The following EDN1 variants were observed in gnomAD, a reference collection of about 807,000 sequenced individuals.
The protein encoded by EDN1 is endothelin-1.
In EDN1, 11 loss-of-function variants were observed where a neutral mutation model predicts 21.7. That is an observed-to-expected ratio of 0.51 (90% CI 0.32 to 0.84). The LOEUF (loss-of-function observed/expected upper bound fraction) is 0.84. EDN1 is among the 40% of genes least tolerant of loss of function. The pLI is 0.03. For synonymous variants in EDN1, 85 were observed against 90.6 expected, an observed-to-expected ratio of 0.94 and a Z score of 0.35; for missense variants, 244 against 262.3, an observed-to-expected ratio of 0.93 and a Z score of 0.48.
chr6:12,277,679 A>T, the EDN1 span, among the ~76,000 whole-genome samples: 4 of 152,238 alleles, frequency 2.6e-5, no homozygotes, highest in African/African-American at 4.8e-5. Flanking sequence ...GTATATTACA[A>T]TATGTCAGGA....
At chr6:12,239,524 C>T in the EDN1 span, among the ~76,000 whole-genome samples, 5 of 152,198 alleles carry the variant, frequency 3.3e-5, no homozygotes, top group African/African-American at 7.2e-5. Context: ...TCTCCTGCCT[C>T]TTTTCTCATC....
chr6:12,275,989 T>C, the EDN1 span, among the ~76,000 whole-genome samples: 30 of 152,042 alleles, frequency 2.0e-4, no homozygotes, highest in East Asian at 1.4e-3. Context: ...GGTGAAACCC[T>C]GTCTCTACTA....
chr6:12,259,007 C>T, the EDN1 span, among the ~76,000 whole-genome samples: 2 of 152,130 alleles, frequency 1.3e-5, no homozygotes, highest in African/African-American at 4.8e-5. Context: ...CACTATAATT[C>T]ATAATATAAT....
At chr6:12,249,126 G>A in the EDN1 span, among the ~76,000 whole-genome samples, 7 of 152,118 alleles carry the variant, frequency 4.6e-5, no homozygotes, top group East Asian at 1.9e-4. Context: ...GTGAGTTTTC[G>A]GGTGAGCCTC....
chr6:12,238,332 A>G, the EDN1 span, among the ~76,000 whole-genome samples: 1 of 152,188 alleles, frequency 6.6e-6, no homozygotes, highest in Non-Finnish European at 1.5e-5. Context: ...TGATAAGGCC[A>G]GTCCCTGTCC....
chr6:12,284,664 AAGAG>A, the EDN1 span, among the ~76,000 whole-genome samples: 1 of 134,960 alleles, frequency 7.4e-6, no homozygotes, highest in East Asian at 2.1e-4. Flanking sequence ...GAGAAAGAAA[AAGAG>A]AGAAAGAAAG....
chr6:12,243,304 AGAGGAG>A, the EDN1 span, among the ~76,000 whole-genome samples: 3 of 97,050 alleles, frequency 3.1e-5, no homozygotes, highest in East Asian at 3.3e-4. Context: ...GAGGAGGAGG[AGAGGAG>A]GAGGAGGAGG....
At chr6:12,250,926 C>T in the EDN1 span, among the ~76,000 whole-genome samples, 1 of 152,318 alleles carries the variant, frequency 6.6e-6, no homozygotes, top group East Asian at 1.9e-4. Flanking sequence ...GCCTCTAATA[C>T]TATTCAAATG....
the EDN1 span, among the ~76,000 whole-genome samples, chr6:12,268,266 T>C: frequency 6.6e-6 from 1 of 152,190 alleles, no homozygotes. Flanking sequence ...ATTCCTCTGA[T>C]GGATCTGGGC....
chr6:12,256,498 C>T, the EDN1 span, among the ~76,000 whole-genome samples: 3 of 152,178 alleles, frequency 2.0e-5, no homozygotes, highest in South Asian at 4.1e-4. Context: ...AACCTAATAA[C>T]AAGAGAGAGC....
the EDN1 span, among the ~76,000 whole-genome samples, chr6:12,252,380 A>G: frequency 1.3e-5 from 2 of 152,358 alleles, no homozygotes; most frequent in Middle Eastern, 3.4e-3. Flanking sequence ...TGTCTTTGAC[A>G]GTGCTTTTGT....
chr6:12,295,152 T>C (rs1360292674), intron 4 of EDN1, among the ~76,000 whole-genome samples: 1 of 152,122 alleles, frequency 6.6e-6, no homozygotes, highest in Admixed American at 6.5e-5. Context: ...ATCTACCACA[T>C]GTTCTGCATT....
At chr6:12,241,674 G>T in the EDN1 span, among the ~76,000 whole-genome samples, 1 of 152,162 alleles carries the variant, frequency 6.6e-6, no homozygotes, top group African/African-American at 2.4e-5. Context: ...GAAATTAAAT[G>T]TATTTAGAAT....
chr6:12,296,308 G>T lies in EDN1; in HGVS notation c.*241G>T, dbSNP rs41332046. ...CTTCTTTCATCTGGGGATGACAATG[G>T]ACCTCTCAGCAGAAACACACAGTCA... On this transcript the variant is annotated 3_prime_UTR_variant, in exon 5 of 5. Coordinates refer to ENST00000379375, the MANE Select transcript of EDN1 (RefSeq NM_001955.5). 2.3e-4 allele frequency: 110 copies of T among 480,038 alleles called. 1 individual carries two copies. The highest frequency in any genetic ancestry group is 1.2e-3 in the Middle Eastern group (2 of 1,664). 29.7% of individuals were successfully genotyped at this position (480,038 alleles called of 1,614,324 possible).
At chr6:12,289,376 G>A (rs1267545947), upstream of EDN1, among the ~76,000 whole-genome samples, 1 of 152,072 alleles carries the variant, frequency 6.6e-6, no homozygotes, top group Non-Finnish European at 1.5e-5. Context: ...AGAATATTCT[G>A]AGGTGCATTC....
chr6:12,279,770 A>T, the EDN1 span, among the ~76,000 whole-genome samples: 1 of 152,264 alleles, frequency 6.6e-6, no homozygotes, highest in Admixed American at 6.5e-5. Flanking sequence ...GTGGCTTATC[A>T]TTCCTTTCAA....
At chr6:12,250,865 G>A in the EDN1 span, among the ~76,000 whole-genome samples, 1 of 152,152 alleles carries the variant, frequency 6.6e-6, no homozygotes, top group Non-Finnish European at 1.5e-5. Flanking sequence ...AATTTTGAGT[G>A]CCTCTTGGCA....
chr6:12,294,940 T>TTTTTTA (rs1554106219), intron 4 of EDN1, among the ~76,000 whole-genome samples: 4 of 148,838 alleles, frequency 2.7e-5, no homozygotes, highest in Non-Finnish European at 4.5e-5. Context: ...TTTTTTTTTT[T>TTTTTTA]AAATAGGGAA....
chr6:12,262,235 G>A, the EDN1 span, among the ~76,000 whole-genome samples: 1 of 152,206 alleles, frequency 6.6e-6, no homozygotes, highest in Non-Finnish European at 1.5e-5. Flanking sequence ...GGAATTATCT[G>A]TTCCTTTTTT....
Sources: allele counts gnomAD v4.1 joint callset (sites outside exome capture counted in the v4.1 genomes callset), GRCh38; gene constraint gnomAD v4.1.1; transcripts MANE v1.5; gene names NCBI Gene and HGNC (gene_info 2026-07-23, HGNC 2026-07-21).